Variants in PRDM11 observed in about 807,000 individuals in gnomAD.
PRDM11 encodes PR domain-containing protein 11.
In PRDM11, 20 loss-of-function variants were observed where a neutral mutation model predicts 97.8. The observed-to-expected ratio is 0.20, with a 90% CI of 0.14 to 0.30. The LOEUF (loss-of-function observed/expected upper bound fraction) is 0.30, where lower values mean the gene tolerates loss of function less well. Among genes scored for constraint, PRDM11 ranks in the 10% least tolerant of loss-of-function variants. The pLI is 1.00. For synonymous variants in PRDM11, 599 were observed against 637.7 expected (o/e 0.94, Z 0.91); for missense variants, 1,139 against 1,555.2 (o/e 0.73, Z 4.50).
At position 45,229,465 on chromosome 11, in the gene PRDM11, GACACACACACACACAC is replaced by G. The variant is rs137888394; in HGVS notation, c.*1308_*1323del. 3.1e-5 allele frequency: 1 copy of G among 32,548 alleles called. No individual in the cohort carries two copies. Among genetic ancestry groups the G allele is most frequent in the Non-Finnish European group, 1.5e-4 (1 of 6,696 alleles). The allele number at this position is 32,548 out of a possible 1,614,324, so 2.0% of individuals were successfully genotyped here. On this transcript the variant is annotated 3_prime_UTR_variant, in exon 8 of 8. Coordinates refer to ENST00000683152, the MANE Select transcript of PRDM11 (RefSeq NM_001384648.1). The stretch of plus-strand genomic sequence containing the variant: ...GACTCTCAAGGCATCAGCCTACACA[GACACACACACACACAC>G]AGACACACACACACACACAGACACA...
chr11:45,098,799 T>C (rs1851925109), intron 1 of PRDM11, among the ~76,000 whole-genome samples: 1 of 151,412 alleles, frequency 6.6e-6, no homozygotes, highest in Non-Finnish European at 1.5e-5. Context: ...TGCTCCATAG[T>C]GGGTATGGGA....
rs1257803816 is a variant in PRDM11 at position 45,165,503 on chromosome 11, G to A, written c.-6-16258G>A. 3.3e-5 allele frequency among the ~76,000 whole-genome samples: 5 copies of A among 152,306 alleles called. No individual in the cohort carries two copies. In the South Asian group the frequency reaches 8.3e-4, roughly 25 times the overall value. ...CAGCACTGTGGTCTCTGCCACGCAGGCCGCACACTCAGATGCCCAGCCCAG... is the reference window on the plus strand; with the variant it reads ...CAGCACTGTGGTCTCTGCCACGCAGACCGCACACTCAGATGCCCAGCCCAG... On this transcript the variant is annotated intron_variant, in intron 1 of 7. Transcript: ENST00000683152.
intron 4 of PRDM11, among the ~76,000 whole-genome samples, chr11:45,194,820 G>C (rs184564176): frequency 6.6e-5 from 10 of 151,362 alleles, no homozygotes; most frequent in Non-Finnish European, 1.5e-4. Context: ...GGATGGTCTC[G>C]ATCTCCTGAC....
chr11:45,149,177 A>G (rs1254563555), intron 1 of PRDM11, among the ~76,000 whole-genome samples: 1 of 152,226 alleles, frequency 6.6e-6, no homozygotes, highest in Non-Finnish European at 1.5e-5. Flanking sequence ...GTCTACCTGC[A>G]GTCACCCCCT....
chr11:45,146,987 T>TGGGGGC (rs1302685165), intron 1 of PRDM11, 110 bp downstream of exon 1: 14 of 133,852 alleles, frequency 1.0e-4, no homozygotes, highest in African/African-American at 1.9e-4. Flanking sequence ...GAGCGGCGGC[T>TGGGGGC]GGGGGCGGGG....
At chr11:45,171,843 T>G (rs1852208678) in intron 1 of PRDM11, among the ~76,000 whole-genome samples, 1 of 152,244 alleles carries the variant, frequency 6.6e-6, no homozygotes, top group African/African-American at 2.4e-5. Flanking sequence ...TTACAGTTTC[T>G]GTCTCTGAGA....
At chr11:45,149,707 C>A (rs967001424) in intron 1 of PRDM11, among the ~76,000 whole-genome samples, 1 of 152,220 alleles carries the variant, frequency 6.6e-6, no homozygotes, top group Non-Finnish European at 1.5e-5. Context: ...GGTAGTAAGG[C>A]GGGATGGTGG....
intron 1 of PRDM11, among the ~76,000 whole-genome samples, chr11:45,158,884 A>G (rs889286436): frequency 2.0e-5 from 3 of 151,558 alleles, no homozygotes; most frequent in Admixed American, 6.6e-5. Flanking sequence ...AAATCCTCCA[A>G]GGTTGTCCGT....
chr11:45,201,404 A>G (rs1468621060), intron 4 of PRDM11, among the ~76,000 whole-genome samples: 1 of 152,188 alleles, frequency 6.6e-6, no homozygotes, highest in Non-Finnish European at 1.5e-5. Flanking sequence ...TTTTACTAAA[A>G]TCTTAACATT....
intron 5 of PRDM11, among the ~76,000 whole-genome samples, chr11:45,206,470 G>A (rs1470314914): frequency 6.6e-6 from 1 of 152,192 alleles, no homozygotes; most frequent in Non-Finnish European, 1.5e-5. Flanking sequence ...CTGGCTCCAG[G>A]CAAGCAGGGG....
chr11:45,207,120 G>A (rs767719262), intron 5 of PRDM11, among the ~76,000 whole-genome samples: 4 of 152,238 alleles, frequency 2.6e-5, no homozygotes, highest in Non-Finnish European at 5.9e-5. Flanking sequence ...GGTTAGGGAT[G>A]CAGTTTGTTG....
chr11:45,129,281 A>G (rs1329397140), intron 1 of PRDM11, among the ~76,000 whole-genome samples: 2 of 152,200 alleles, frequency 1.3e-5, no homozygotes, highest in African/African-American at 4.8e-5. Context: ...TCATCATCGT[A>G]CTGAAGATCC....
intron 1 of PRDM11, among the ~76,000 whole-genome samples, chr11:45,170,217 C>T (rs1244353657): frequency 1.3e-5 from 2 of 152,134 alleles, no homozygotes; most frequent in Non-Finnish European, 2.9e-5. Flanking sequence ...GTGACAGGCA[C>T]CTGTAATCCC....
rs1853489198 is a variant in PRDM11 at position 45,205,818 on chromosome 11, ACTC to A, written c.554+1043_554+1045del. Reference sequence around the variant, plus strand: ...CCCAGTGGCTCCACTGCCCACCTATACTCCTATCAGAGAGTGGCTGAGCAGCAG... The same window carrying A: ...CCCAGTGGCTCCACTGCCCACCTATACTATCAGAGAGTGGCTGAGCAGCAG... On this transcript the variant is annotated intron_variant, in intron 5 of 7. Transcript: ENST00000683152. Among the ~76,000 whole-genome samples the A allele has an allele frequency of 6.6e-5, 10 of 151,978 alleles. No homozygotes were observed. In the South Asian group the frequency reaches 2.1e-3, roughly 32 times the overall value.
At chr11:45,140,767 CA>C (rs796101690) in intron 1 of PRDM11, among the ~76,000 whole-genome samples, 84 of 140,534 alleles carry the variant, frequency 6.0e-4, no homozygotes, top group Admixed American at 2.3e-3. Context: ...TCTCCTGGGA[CA>C]AAAAAAAAAA....
At chr11:45,109,923 A>G (rs1294980200) in intron 1 of PRDM11, among the ~76,000 whole-genome samples, 1 of 152,146 alleles carries the variant, frequency 6.6e-6, no homozygotes, top group Non-Finnish European at 1.5e-5. Flanking sequence ...GGTTGCTCAC[A>G]GTCACCACTC....
intron 5 of PRDM11, chr11:45,208,787 C>T: frequency 2.7e-6 from 1 of 364,162 alleles, no homozygotes; most frequent in African/African-American, 2.1e-5. Context: ...TCCTGGCTCC[C>T]CAGCTGGGGG....
intron 6 of PRDM11, among the ~76,000 whole-genome samples, chr11:45,220,671 T>G (rs1331676526): frequency 6.6e-6 from 1 of 152,194 alleles, no homozygotes; most frequent in African/African-American, 2.4e-5. Context: ...GGGTTCCTCC[T>G]GGTGTCTGTA....
intron 1 of PRDM11, among the ~76,000 whole-genome samples, chr11:45,106,745 A>G (rs1852068183): frequency 6.6e-6 from 1 of 152,166 alleles, no homozygotes; most frequent in Admixed American, 6.5e-5. Flanking sequence ...TCTTTTTAGC[A>G]CAGCAACTGG....
Sources: gnomAD v4.1 joint callset for allele counts (sites outside exome capture counted in the v4.1 genomes callset) on GRCh38, gnomAD v4.1.1 for gene constraint, MANE v1.5 for transcripts, NCBI Gene and HGNC (gene_info 2026-07-23, HGNC 2026-07-21) for gene names.